The following ADAD1 variants were observed in gnomAD, a reference collection of about 807,000 sequenced individuals.
ADAD1 encodes adenosine deaminase domain containing 1, also known as adenosine deaminase domain-containing protein 1.
In ADAD1, 46 loss-of-function variants were observed where a neutral mutation model predicts 66.8. The observed-to-expected ratio is 0.69, with a 90% CI of 0.54 to 0.88. ADAD1 has a LOEUF of 0.88. Ranked by LOEUF, ADAD1 falls within the 40% of genes least tolerant of loss-of-function variation. The pLI, the probability that ADAD1 is intolerant of heterozygous loss-of-function variation, is 0.00. For missense variants in ADAD1, 617 were observed against 681.8 expected (o/e 0.91, Z 1.06); for synonymous variants, 248 against 229.4 (o/e 1.08, Z -0.73).
At chr4:122,414,281 G>GA (rs796328024) in intron 10 of ADAD1, among the ~76,000 whole-genome samples, 1 of 123,900 alleles carries the variant, frequency 8.1e-6, no homozygotes, top group East Asian at 2.5e-4. Flanking sequence ...TTTTTGGGGG[G>GA]GGGGGTACAA....
At chr4:122,424,577 G>T (rs938323633) in intron 12 of ADAD1, among the ~76,000 whole-genome samples, 1 of 152,010 alleles carries the variant, frequency 6.6e-6, no homozygotes, top group South Asian at 2.1e-4. Context: ...GAAAATAAAT[G>T]AAAAACTATT....
chr4:122,388,510 G>T (rs1423962479), intron 5 of ADAD1, among the ~76,000 whole-genome samples: 1 of 151,870 alleles, frequency 6.6e-6, no homozygotes, highest in Non-Finnish European at 1.5e-5. Context: ...ACTTTTTTTT[G>T]GTTGGTAGGC....
Position 122,381,153 on chromosome 4 carries a change from C to A in ADAD1, c.334C>A (p.Leu112Ile). ...GTTTGCACAAATGCAGCGAGTTCAGCTTGACCTTAAGGAAACTGTGACAAC... is the reference window on the plus strand; with the variant it reads ...GTTTGCACAAATGCAGCGAGTTCAGATTGACCTTAAGGAAACTGTGACAAC... Reference protein sequence around the residue: ...HQFAQMQRVQLDLKETVTTGN... With the variant: ...HQFAQMQRVQIDLKETVTTGN... The change falls in exon 4 of 13, where the codon CTT (leucine) becomes ATT (isoleucine). Residue 112 changes from leucine to isoleucine, a missense_variant. Leu to Ile is a conservative substitution (Grantham distance 5). Transcript: ENST00000296513. The A allele has an allele frequency of 6.3e-7, 1 of 1,574,920 alleles. No individual in the cohort carries two copies.
intron 12 of ADAD1, among the ~76,000 whole-genome samples, chr4:122,426,560 T>C (rs1797246175): frequency 6.8e-6 from 1 of 147,368 alleles, no homozygotes; most frequent in African/African-American, 2.7e-5. Context: ...ATCTCTCTCA[T>C]AAAAATAAAT....
chr4:122,388,217 C>T (rs1000541238), intron 5 of ADAD1, among the ~76,000 whole-genome samples: 9 of 152,202 alleles, frequency 5.9e-5, no homozygotes, highest in East Asian at 3.9e-4. Context: ...GGGATGAAGC[C>T]GACTTGATTG....
intron 5 of ADAD1, among the ~76,000 whole-genome samples, chr4:122,392,746 A>G (rs1487752272): frequency 1.3e-5 from 2 of 152,204 alleles, no homozygotes; most frequent in African/African-American, 4.8e-5. Context: ...TTGTTACTAT[A>G]TGGTATATGG....
chr4:122,408,087 A>G, intron 8 of ADAD1, 56 bp downstream of exon 8: 2 of 1,516,066 alleles, frequency 1.3e-6, no homozygotes, highest in Admixed American at 1.9e-5. Flanking sequence ...GCCCAAAGTA[A>G]CTTCATATAA....
intron 9 of ADAD1, 45 bp downstream of exon 9, chr4:122,411,437 T>G: frequency 6.5e-7 from 1 of 1,526,930 alleles, no homozygotes; most frequent in Non-Finnish European, 8.9e-7. Context: ...AGGATGGCCA[T>G]GCCATACATT....
intron 12 of ADAD1, among the ~76,000 whole-genome samples, chr4:122,425,323 A>C (rs925226228): frequency 1.3e-5 from 2 of 152,116 alleles, no homozygotes; most frequent in Non-Finnish European, 2.9e-5. Flanking sequence ...AAGGATTAAA[A>C]TCATGCCAAG....
chr4:122,398,378 T>A (rs1188351054), intron 7 of ADAD1, among the ~76,000 whole-genome samples: 1 of 151,930 alleles, frequency 6.6e-6, no homozygotes, highest in African/African-American at 2.4e-5. Context: ...CCACTCATGA[T>A]TGATGGGCAT....
intron 5 of ADAD1, among the ~76,000 whole-genome samples, chr4:122,392,258 A>T (rs1276928114): frequency 1.3e-5 from 2 of 152,228 alleles, no homozygotes; most frequent in East Asian, 3.8e-4. Flanking sequence ...TCTTATGTTC[A>T]TCTCTGCACT....
At chr4:122,422,431 A>T (rs1217051141) in intron 12 of ADAD1, among the ~76,000 whole-genome samples, 1 of 152,170 alleles carries the variant, frequency 6.6e-6, no homozygotes, top group African/African-American at 2.4e-5. Flanking sequence ...GGCTGACATG[A>T]ACATACTTCC....
intron 10 of ADAD1, among the ~76,000 whole-genome samples, chr4:122,414,274 T>G (rs1352938344): frequency 9.4e-6 from 1 of 106,194 alleles, no homozygotes; most frequent in African/African-American, 3.1e-5. Context: ...GTCTTTTTTT[T>G]TGGGGGGGGG....
chr4:122,415,472 T>G lies in ADAD1; in HGVS notation c.1343T>G (p.Leu448Ter). 2 of 1,613,954 alleles carry G rather than the reference T, an allele frequency of 1.2e-6. No homozygotes were observed. The highest frequency in any genetic ancestry group is 1.7e-6 in the Non-Finnish European group (2 of 1,179,862). ...ALTSKLPMFYLVNRPHISLVP... is the reference protein window; with the variant it reads ...ALTSKLPMFY Reference sequence around the variant, plus strand: ...ACTTCAAAACTTCCAATGTTTTACTTAGTCAACAGACCTCATATTAGTTTA... The same window carrying G: ...ACTTCAAAACTTCCAATGTTTTACTGAGTCAACAGACCTCATATTAGTTTA... Residue 448 changes from leucine to a stop codon, truncating the protein, a stop_gained, in exon 11 of 13, where the codon TTA (leucine) becomes TGA (stop). Coordinates refer to ENST00000296513, the MANE Select transcript of ADAD1 (RefSeq NM_139243.4). LOFTEE classifies it high-confidence loss of function.
chr4:122,402,096 G>A lies in ADAD1; in HGVS notation c.724+5719G>A, dbSNP rs1053930752. Among the ~76,000 whole-genome samples the A allele has an allele frequency of 2.6e-5, 4 of 151,808 alleles. No individual in the cohort carries two copies. In the East Asian group the frequency reaches 5.8e-4, roughly 22 times the overall value. ...TGTGTTATTGTTTTATAGGCCCTGT[G>A]AAATTTATGCTTTTATGAGCTTCTA... is the stretch of plus-strand genomic sequence containing the variant. On this transcript the variant is annotated intron_variant, in intron 7 of 12. Coordinates refer to ENST00000296513, the MANE Select transcript of ADAD1 (RefSeq NM_139243.4).
Position 122,380,096 on chromosome 4 carries a change from G to C in ADAD1, c.27G>C (p.Gln9His). 3.7e-6 allele frequency: 6 copies of C among 1,613,398 alleles called. No homozygotes were observed. Among genetic ancestry groups the C allele is most frequent in the African/African-American group, 1.3e-5 (1 of 74,986 alleles). Residue 9 changes from glutamine to histidine, a missense_variant, in exon 3 of 13, where the codon CAG (glutamine) becomes CAC (histidine). Gln to His is a conservative substitution (Grantham distance 24). Coordinates refer to ENST00000296513, the MANE Select transcript of ADAD1 (RefSeq NM_139243.4). MASNNHWF[Q>H]SSQVPSFAQM... ...TGGCTAGCAACAATCATTGGTTTCA[G>C]AGTTCGCAGGTCCCCAGCTTTGCCC... is the stretch of plus-strand genomic sequence containing the variant.
At chr4:122,404,610 C>T (rs1277784678) in intron 7 of ADAD1, among the ~76,000 whole-genome samples, 2 of 152,064 alleles carry the variant, frequency 1.3e-5, no homozygotes, top group African/African-American at 4.8e-5. Context: ...CTGGTATGTT[C>T]CTGCAGTGGT....
At chr4:122,422,720 C>T (rs1264597656) in intron 12 of ADAD1, among the ~76,000 whole-genome samples, 1 of 151,850 alleles carries the variant, frequency 6.6e-6, no homozygotes, top group African/African-American at 2.4e-5. Context: ...ACAAAATTGT[C>T]AAAACTTCCT....
At chr4:122,382,498 C>G (rs1040879363) in intron 4 of ADAD1, among the ~76,000 whole-genome samples, 3 of 152,004 alleles carry the variant, frequency 2.0e-5, no homozygotes, top group Non-Finnish European at 4.4e-5. Flanking sequence ...ACTCTGTTAT[C>G]CAGGCTGGAG....
Sources: allele counts gnomAD v4.1 joint callset (sites outside exome capture counted in the v4.1 genomes callset), GRCh38; gene constraint gnomAD v4.1.1; transcripts MANE v1.5; gene names NCBI Gene and HGNC (gene_info 2026-07-23, HGNC 2026-07-21).